Variants in PRKG1 observed in about 807,000 individuals in gnomAD.
The protein encoded by PRKG1 is protein kinase cGMP-dependent 1, also known as cGMP-dependent protein kinase 1.
PRKG1 carries 35 observed loss-of-function variants against 88.1 expected under a neutral mutation model. The observed-to-expected ratio is 0.40, with a 90% CI of 0.30 to 0.53. The LOEUF (loss-of-function observed/expected upper bound fraction) is 0.53. PRKG1 is among the 20% of genes least tolerant of loss of function. The pLI is 0.59. For missense variants in PRKG1, 540 were observed against 839.8 expected (o/e 0.64, Z 4.41); for synonymous variants, 303 against 292.5 (o/e 1.04, Z -0.37).
intron 3 of PRKG1, among the ~76,000 whole-genome samples, chr10:51,709,589 A>T (rs1307530836): frequency 6.6e-6 from 1 of 152,152 alleles, no homozygotes; most frequent in Non-Finnish European, 1.5e-5. Context: ...TTGAAAATGG[A>T]ATTGCCTGTG....
intron 3 of PRKG1, among the ~76,000 whole-genome samples, chr10:51,526,605 TA>T (rs1305047102): frequency 2.0e-5 from 3 of 152,234 alleles, no homozygotes; most frequent in Non-Finnish European, 4.4e-5. Context: ...TTTACAGTTT[TA>T]TCACATACAT....
chr10:52,025,903 C>T (rs1845323938), intron 5 of PRKG1, among the ~76,000 whole-genome samples: 1 of 151,590 alleles, frequency 6.6e-6, no homozygotes, highest in Non-Finnish European at 1.5e-5. Flanking sequence ...CATCATGCTA[C>T]CTGACTTCAA....
At chr10:51,404,520 G>A (rs181825309) in intron 2 of PRKG1, among the ~76,000 whole-genome samples, 2 of 152,178 alleles carry the variant, frequency 1.3e-5, no homozygotes, top group Admixed American at 1.3e-4. Flanking sequence ...ATGGACAAAG[G>A]TTGATCTGTG....
chr10:51,114,891 A>C (rs1300444510), intron 1 of PRKG1, among the ~76,000 whole-genome samples: 3 of 152,136 alleles, frequency 2.0e-5, no homozygotes, highest in Non-Finnish European at 4.4e-5. Flanking sequence ...TTATCCTGGA[A>C]ATTTGGTTAT....
At chr10:51,587,202 T>C (rs1838194373) in intron 3 of PRKG1, among the ~76,000 whole-genome samples, 1 of 152,132 alleles carries the variant, frequency 6.6e-6, no homozygotes, top group South Asian at 2.1e-4. Context: ...TAAATACTCA[T>C]AGAGAGACCA....
intron 2 of PRKG1, among the ~76,000 whole-genome samples, chr10:51,164,379 A>G (rs1029063913): frequency 6.6e-6 from 1 of 152,222 alleles, no homozygotes; most frequent in Non-Finnish European, 1.5e-5. Flanking sequence ...AAGGACATCC[A>G]CACCAAAAAC....
At chr10:52,217,328 G>A (rs1221907414) in intron 9 of PRKG1, among the ~76,000 whole-genome samples, 2 of 132,374 alleles carry the variant, frequency 1.5e-5, no homozygotes, top group South Asian at 2.8e-4. Flanking sequence ...ACACACACAC[G>A]TACACATTTA....
At chr10:51,829,618 G>A (rs1359304741) in intron 4 of PRKG1, among the ~76,000 whole-genome samples, 1 of 152,164 alleles carries the variant, frequency 6.6e-6, no homozygotes, top group African/African-American at 2.4e-5. Context: ...AAGATACAGG[G>A]TTGAATGTAT....
rs142962238 is a variant in PRKG1, at chr10:51,330,105, TTTTATTTATTTA to T, written c.479-137586_479-137575del. Reference sequence around the variant, plus strand: ...ACTCCCATGACTTGTACATTTGCTCTTTTATTTATTTATTTATTTATTTATTTATTTATTTAT... The same window carrying T: ...ACTCCCATGACTTGTACATTTGCTCTTTTATTTATTTATTTATTTATTTAT... On this transcript the variant is annotated intron_variant, in intron 2 of 17. Transcript: ENST00000373980. Among the ~76,000 whole-genome samples, 713 of 130,404 alleles carry T rather than the reference TTTTATTTATTTA, an allele frequency of 5.5e-3. 4 individuals are homozygous for T. Among genetic ancestry groups the T allele is most frequent in the African/African-American group, 0.018 (641 of 34,840 alleles). The allele number at this position is 130,404 out of a possible 152,430, so 85.6% of individuals were successfully genotyped here.
At chr10:51,028,231 T>C (rs1264494610) in intron 1 of PRKG1, among the ~76,000 whole-genome samples, 1 of 152,146 alleles carries the variant, frequency 6.6e-6, no homozygotes, top group African/African-American at 2.4e-5. Flanking sequence ...GAGTTCCAAA[T>C]GAAAAATATC....
chr10:51,062,542 G>A (rs1026319337), intron 1 of PRKG1: 1 of 152,006 alleles, frequency 6.6e-6, no homozygotes, highest in Non-Finnish European at 1.5e-5. Context: ...ATCAGTAAAC[G>A]AATCTTCCAT....
At chr10:52,150,927 T>C (rs147781916) in intron 8 of PRKG1, among the ~76,000 whole-genome samples, 1 of 152,322 alleles carries the variant, frequency 6.6e-6, no homozygotes, top group East Asian at 1.9e-4. Context: ...CTATAATTGA[T>C]ATGTCTATAT....
intron 8 of PRKG1, among the ~76,000 whole-genome samples, chr10:52,148,654 A>T (rs1282513607): frequency 6.6e-6 from 1 of 152,172 alleles, no homozygotes; most frequent in African/African-American, 2.4e-5. Context: ...GGCATCAGTG[A>T]TCAGCACAGA....
chr10:51,463,496 A>T (rs940696928), intron 2 of PRKG1, among the ~76,000 whole-genome samples: 5 of 152,166 alleles, frequency 3.3e-5, no homozygotes, highest in Non-Finnish European at 5.9e-5. Context: ...GAAAAAGAAG[A>T]AAAAAAGACA....
intron 9 of PRKG1, among the ~76,000 whole-genome samples, chr10:52,187,521 G>C (rs1183416339): frequency 1.3e-5 from 2 of 152,104 alleles, no homozygotes; most frequent in Non-Finnish European, 2.9e-5. Context: ...GCAAAAATAA[G>C]TGTTTATGAG....
chr10:51,231,213 G>T (rs1275330786), intron 2 of PRKG1, among the ~76,000 whole-genome samples: 1 of 152,040 alleles, frequency 6.6e-6, no homozygotes, highest in African/African-American at 2.4e-5. Flanking sequence ...GGCAATCCCT[G>T]GTTACTTTCT....
chr10:51,620,317 A>G (rs1269553369), intron 3 of PRKG1, among the ~76,000 whole-genome samples: 2 of 152,152 alleles, frequency 1.3e-5, no homozygotes, highest in African/African-American at 4.8e-5. Context: ...AGATGAAAGT[A>G]AAAATAAAAT....
At chr10:51,278,541 C>T (rs577008692) in intron 2 of PRKG1, among the ~76,000 whole-genome samples, 1 of 152,146 alleles carries the variant, frequency 6.6e-6, no homozygotes, top group Non-Finnish European at 1.5e-5. Flanking sequence ...ACCAGCTCCT[C>T]CTTGTACCTC....
At chr10:51,706,307 A>G (rs1228188611) in intron 3 of PRKG1, among the ~76,000 whole-genome samples, 1 of 152,174 alleles carries the variant, frequency 6.6e-6, no homozygotes, top group East Asian at 1.9e-4. Flanking sequence ...CTAACCTCAA[A>G]TGCTCCACCT....
Sources: allele counts gnomAD v4.1 joint callset (sites outside exome capture counted in the v4.1 genomes callset), GRCh38; gene constraint gnomAD v4.1.1; transcripts MANE v1.5; gene names NCBI Gene and HGNC (gene_info 2026-07-23, HGNC 2026-07-21).